Variants in GPC5 observed in about 807,000 individuals in gnomAD.
GPC5 encodes glypican-5.
A neutral mutation model predicts 53.9 loss-of-function variants in GPC5; 47 were observed. That is an observed-to-expected ratio of 0.87 (90% CI 0.69 to 1.11). The LOEUF (loss-of-function observed/expected upper bound fraction) is 1.11, where lower values mean the gene tolerates loss of function less well. Ranked by LOEUF, GPC5 falls within the 50% of genes most tolerant of loss-of-function variation. The probability of loss-of-function intolerance (pLI) is 0.00; values close to 1 mark genes in which losing one functional copy is unlikely to be tolerated. For synonymous variants in GPC5, 286 were observed against 263.3 expected, an observed-to-expected ratio of 1.09 and a Z score of -0.84; for missense variants, 748 against 713.1, an observed-to-expected ratio of 1.05 and a Z score of -0.56.
intron 3 of GPC5, among the ~76,000 whole-genome samples, chr13:91,713,760 C>T (rs994443386): frequency 2.0e-5 from 3 of 152,150 alleles, no homozygotes; most frequent in African/African-American, 7.2e-5. Flanking sequence ...ACTTAGAAAC[C>T]TAAGAGTCAT....
rs1054483429 is a variant in GPC5 at position 92,592,476 on chromosome 13, G to A, written c.1562-273806G>A. Among the ~76,000 whole-genome samples the A allele has an allele frequency of 3.3e-5, 5 of 151,266 alleles. 1 individual carries two copies. Among genetic ancestry groups the A allele is most frequent in the African/African-American group, 1.2e-4 (5 of 41,196 alleles). Reference sequence around the variant, plus strand: ...AATGTCTAGTCCCTGCCAGGCAAATGTTCTAAGTACAGGGGATGGAGTGGT... The same window carrying A: ...AATGTCTAGTCCCTGCCAGGCAAATATTCTAAGTACAGGGGATGGAGTGGT... On this transcript the variant is annotated intron_variant, in intron 7 of 7. Transcript: ENST00000377067.
chr13:92,006,612 T>C, intron 6 of GPC5, among the ~76,000 whole-genome samples: 1 of 152,174 alleles, frequency 6.6e-6, no homozygotes, highest in East Asian at 1.9e-4. Flanking sequence ...GTATCAAATG[T>C]AGTGGAAAAC....
chr13:92,195,996 A>G (rs2042254306), intron 7 of GPC5, among the ~76,000 whole-genome samples: 1 of 152,194 alleles, frequency 6.6e-6, no homozygotes, highest in Non-Finnish European at 1.5e-5. Flanking sequence ...TGGAACTGCC[A>G]AGACTTTCAG....
chr13:92,002,555 A>ATAG lies in GPC5; in HGVS notation c.1401+94501_1401+94503dup, dbSNP rs565341415. Among the ~76,000 whole-genome samples the ATAG allele has an allele frequency of 8.5e-5, 13 of 152,316 alleles. No homozygotes were observed. In the South Asian group the frequency reaches 2.7e-3, roughly 32 times the overall value. On this transcript the variant is annotated intron_variant, in intron 6 of 7. Transcript: ENST00000377067. Reference sequence around the variant, plus strand: ...TGTTGTGGAGGGAAAACCATTCTTTATAGTAACATGTTACAAAGACTGGAA... The same window carrying ATAG: ...TGTTGTGGAGGGAAAACCATTCTTTATAGTAGTAACATGTTACAAAGACTGGAA...
chr13:91,611,940 C>T (rs2033564436), intron 2 of GPC5, among the ~76,000 whole-genome samples: 1 of 152,146 alleles, frequency 6.6e-6, no homozygotes, highest in South Asian at 2.1e-4. Flanking sequence ...GCAGCTGGGC[C>T]CCACCTGACC....
chr13:92,281,460 C>T (rs1469531965), intron 7 of GPC5, among the ~76,000 whole-genome samples: 1 of 152,204 alleles, frequency 6.6e-6, no homozygotes, highest in African/African-American at 2.4e-5. Context: ...TCAAGTGGGT[C>T]CCTGACCACC....
At chr13:92,127,281 A>G (rs536749623) in intron 6 of GPC5, among the ~76,000 whole-genome samples, 1 of 151,904 alleles carries the variant, frequency 6.6e-6, no homozygotes, top group African/African-American at 2.4e-5. Flanking sequence ...ATATGTGTAT[A>G]TATATATGTG....
At chr13:92,077,605 C>T (rs145544189) in intron 6 of GPC5, among the ~76,000 whole-genome samples, 1 of 152,180 alleles carries the variant, frequency 6.6e-6, no homozygotes, top group African/African-American at 2.4e-5. Flanking sequence ...AGAGATAAGC[C>T]ACCCATTCCA....
At chr13:92,261,795 AT>A (rs2042769087) in intron 7 of GPC5, among the ~76,000 whole-genome samples, 2 of 152,202 alleles carry the variant, frequency 1.3e-5, no homozygotes, top group South Asian at 4.1e-4. Flanking sequence ...CAAAAGGATC[AT>A]TAACAATAAT....
At chr13:92,727,874 C>G (rs1016110778) in intron 7 of GPC5, among the ~76,000 whole-genome samples, 6 of 151,282 alleles carry the variant, frequency 4.0e-5, no homozygotes, top group Non-Finnish European at 7.4e-5. Flanking sequence ...GCATTTCTAC[C>G]TTCTCTAACA....
intron 1 of GPC5, among the ~76,000 whole-genome samples, chr13:91,434,421 G>T (rs1481343358): frequency 6.6e-6 from 1 of 151,940 alleles, no homozygotes; most frequent in Non-Finnish European, 1.5e-5. Flanking sequence ...TCTACATATG[G>T]CTAGCCAGTT....
At chr13:91,591,355 A>C (rs1360781534) in intron 2 of GPC5, among the ~76,000 whole-genome samples, 2 of 152,082 alleles carry the variant, frequency 1.3e-5, no homozygotes, top group African/African-American at 2.4e-5. Context: ...CTTTCTTTCC[A>C]GCTACCGTTA....
At chr13:91,988,804 T>C (rs902082513) in intron 6 of GPC5, among the ~76,000 whole-genome samples, 4 of 149,688 alleles carry the variant, frequency 2.7e-5, no homozygotes, top group African/African-American at 9.7e-5. Context: ...ACTCTAATGA[T>C]ACTGAAATGA....
At chr13:92,140,110 T>C (rs1264381934) in intron 6 of GPC5, among the ~76,000 whole-genome samples, 1 of 152,130 alleles carries the variant, frequency 6.6e-6, no homozygotes, top group Admixed American at 6.5e-5. Flanking sequence ...TGAGTTTGAA[T>C]TTGAAAATTA....
intron 5 of GPC5, among the ~76,000 whole-genome samples, chr13:91,768,439 A>C (rs1037014133): frequency 6.6e-6 from 1 of 152,240 alleles, no homozygotes; most frequent in Non-Finnish European, 1.5e-5. Context: ...GCAATTATGT[A>C]TAAAACTGAT....
chr13:91,990,875 C>T (rs2138734263), intron 6 of GPC5, among the ~76,000 whole-genome samples: 1 of 152,272 alleles, frequency 6.6e-6, no homozygotes, highest in Non-Finnish European at 1.5e-5. Flanking sequence ...AAAATTCAAA[C>T]CTCTCACTTA....
At chr13:92,341,278 C>T (rs34669502) in intron 7 of GPC5, among the ~76,000 whole-genome samples, 1,529 of 152,114 alleles carry the variant, frequency 0.01, 26 homozygotes, top group Middle Eastern at 0.048. Flanking sequence ...TCATCAAGCA[C>T]GTATGGAGAA....
chr13:92,100,851 G>A (rs567661253), intron 6 of GPC5, among the ~76,000 whole-genome samples: 1 of 152,188 alleles, frequency 6.6e-6, no homozygotes, highest in Non-Finnish European at 1.5e-5. Flanking sequence ...GCCACTCAAG[G>A]AATCTTTATT....
At chr13:92,487,826 A>G (rs144297700) in intron 7 of GPC5, among the ~76,000 whole-genome samples, 14 of 144,718 alleles carry the variant, frequency 9.7e-5, no homozygotes, top group African/African-American at 3.7e-4. Flanking sequence ...AATATGGACT[A>G]TATATAAATA....
Sources: allele counts gnomAD v4.1 joint callset (sites outside exome capture counted in the v4.1 genomes callset), GRCh38; gene constraint gnomAD v4.1.1; transcripts MANE v1.5; gene names NCBI Gene and HGNC (gene_info 2026-07-23, HGNC 2026-07-21).